The following RASA1 variants were observed in gnomAD, a reference collection of about 807,000 sequenced individuals.
RASA1 encodes the protein ras GTPase-activating protein 1.
In RASA1, 25 loss-of-function variants were observed where a neutral mutation model predicts 132.2. That is an observed-to-expected ratio of 0.19 (90% confidence interval 0.14 to 0.26). RASA1 has a LOEUF of 0.26. Among genes scored for constraint, RASA1 ranks in the 10% least tolerant of loss-of-function variants. The probability of loss-of-function intolerance (pLI) is 1.00; values close to 1 mark genes in which losing one functional copy is unlikely to be tolerated. For synonymous variants in RASA1, 477 were observed against 449.9 expected, an observed-to-expected ratio of 1.06 and a Z score of -0.76; for missense variants, 964 against 1,299.2, an observed-to-expected ratio of 0.74 and a Z score of 3.97.
At chr5:87,355,225 A>G (rs1172310295) in intron 9 of RASA1, among the ~76,000 whole-genome samples, 5 of 152,182 alleles carry the variant, frequency 3.3e-5, no homozygotes, top group African/African-American at 1.2e-4. Flanking sequence ...ATTATCTAGG[A>G]CTTTCATGGC....
At chr5:87,313,614 C>G (rs1387840076) in intron 1 of RASA1, among the ~76,000 whole-genome samples, 7 of 152,248 alleles carry the variant, frequency 4.6e-5, no homozygotes, top group Admixed American at 3.3e-4. Flanking sequence ...ACTTAAATGT[C>G]CCCCAGTATC....
intron 4 of RASA1, 89 bp downstream of exon 4, chr5:87,333,426 T>G: frequency 3.8e-6 from 6 of 1,564,942 alleles, no homozygotes; most frequent in Non-Finnish European, 5.2e-6. Flanking sequence ...CTTTTGAAAT[T>G]TGAAGAAATG....
chr5:87,358,118 A>G (rs1759792605), intron 9 of RASA1, among the ~76,000 whole-genome samples: 1 of 152,122 alleles, frequency 6.6e-6, no homozygotes, highest in South Asian at 2.1e-4. Flanking sequence ...TCATCTTCCA[A>G]TGAGGTGACC....
At chr5:87,324,977 A>G (rs952844252) in intron 1 of RASA1, among the ~76,000 whole-genome samples, 2 of 152,088 alleles carry the variant, frequency 1.3e-5, no homozygotes, top group Non-Finnish European at 2.9e-5. Flanking sequence ...AACCTTTAGC[A>G]GACTGTATTA....
chr5:87,336,915 G>A (rs1351787994), intron 4 of RASA1, among the ~76,000 whole-genome samples: 6 of 152,036 alleles, frequency 3.9e-5, no homozygotes, highest in Non-Finnish European at 7.4e-5. Flanking sequence ...GTTAAATGTT[G>A]TATAATACAA....
intron 11 of RASA1, 56 bp downstream of exon 11, chr5:87,363,560 C>T: frequency 1.9e-6 from 3 of 1,540,070 alleles, no homozygotes; most frequent in South Asian, 1.1e-5. Flanking sequence ...TAAAATAGTA[C>T]AAACAAAGCA....
At chr5:87,321,404 G>A (rs758503176) in intron 1 of RASA1, among the ~76,000 whole-genome samples, 25 of 152,056 alleles carry the variant, frequency 1.6e-4, no homozygotes, top group Non-Finnish European at 2.9e-4. Context: ...GATTCCCAAC[G>A]GCTGAGGGCT....
At chr5:87,330,953 T>G (rs1757557060) in intron 1 of RASA1, 1 of 1,435,676 alleles carries the variant, frequency 7.0e-7, no homozygotes, top group African/African-American at 1.4e-5. Context: ...ATGTGCCTTG[T>G]GAAGTCATGG....
intron 8 of RASA1, among the ~76,000 whole-genome samples, chr5:87,350,359 GTTCT>G (rs1188291268): frequency 1.3e-5 from 2 of 151,742 alleles, no homozygotes; most frequent in African/African-American, 4.8e-5. Flanking sequence ...TGCAATTTGA[GTTCT>G]TTAAGAATGT....
At chr5:87,274,081 C>G (rs540806429) in intron 1 of RASA1, among the ~76,000 whole-genome samples, 10 of 152,140 alleles carry the variant, frequency 6.6e-5, no homozygotes, top group Admixed American at 1.3e-4. Flanking sequence ...GTGGCCATTC[C>G]TGCTTGAGAC....
chr5:87,373,691 G>A (rs1307465802), intron 13 of RASA1, among the ~76,000 whole-genome samples: 4 of 152,110 alleles, frequency 2.6e-5, no homozygotes, highest in African/African-American at 9.7e-5. Flanking sequence ...ATCCTTTCCT[G>A]TAAAATAAGA....
chr5:87,378,327 T>G lies in RASA1; in HGVS notation c.2345-69T>G, dbSNP rs34110590. 45,008 of 1,555,348 alleles carry G rather than the reference T, an allele frequency of 0.029. 822 individuals carry two copies. The highest frequency in any genetic ancestry group is 0.035 in the Non-Finnish European group (39,622 of 1,127,402). On this transcript the variant is annotated intron_variant, in intron 17 of 24. Transcript: ENST00000274376. ...TCCTGTTGAGGTAAAATGAATTCAC[T>G]TAATTTCCAATTTGGTCACATTAGG...
chr5:87,287,909 CATATATATACCATATATACACACACCAT>C (rs1754734892), intron 1 of RASA1, among the ~76,000 whole-genome samples: 1 of 129,878 alleles, frequency 7.7e-6, no homozygotes, highest in Non-Finnish European at 1.6e-5. Context: ...ATACACACAC[CATATATATACCATATATACACACACCAT>C]ATATATATAA....
At chr5:87,275,006 T>A (rs1489879890) in intron 1 of RASA1, among the ~76,000 whole-genome samples, 1 of 152,168 alleles carries the variant, frequency 6.6e-6, no homozygotes, top group East Asian at 1.9e-4. Flanking sequence ...GTATGGATCA[T>A]TGATTAGCCA....
chr5:87,288,735 T>G (rs1441476366), intron 1 of RASA1, among the ~76,000 whole-genome samples: 1 of 152,164 alleles, frequency 6.6e-6, no homozygotes, highest in Non-Finnish European at 1.5e-5. Flanking sequence ...ATGTTCAACT[T>G]TACCCCAAGT....
intron 1 of RASA1, among the ~76,000 whole-genome samples, chr5:87,315,876 A>C (rs1470179571): frequency 1.3e-5 from 2 of 152,202 alleles, no homozygotes; most frequent in East Asian, 3.8e-4. Context: ...TTTAATTTCA[A>C]AAAATGGATA....
intron 1 of RASA1, among the ~76,000 whole-genome samples, chr5:87,304,939 C>CTTTTTTTTTTTTTT (rs756572506): frequency 3.1e-5 from 2 of 64,410 alleles, no homozygotes; most frequent in Non-Finnish European, 3.3e-5. Context: ...TCTTTTAGTC[C>CTTTTTTTTTTTTTT]TTTTTTTTTT....
At chr5:87,351,415 G>A (rs1759266469) in intron 8 of RASA1, among the ~76,000 whole-genome samples, 1 of 151,670 alleles carries the variant, frequency 6.6e-6, no homozygotes, top group African/African-American at 2.4e-5. Context: ...GAGTTCAGTG[G>A]GGGGTGAGAA....
intron 1 of RASA1, among the ~76,000 whole-genome samples, chr5:87,326,445 C>T (rs895935667): frequency 6.6e-6 from 1 of 152,086 alleles, no homozygotes; most frequent in Non-Finnish European, 1.5e-5. Context: ...TCCATATCTA[C>T]CTGTAAGATT....
Sources: allele counts gnomAD v4.1 joint callset (sites outside exome capture counted in the v4.1 genomes callset), GRCh38; gene constraint gnomAD v4.1.1; transcripts MANE v1.5; gene names NCBI Gene and HGNC (gene_info 2026-07-23, HGNC 2026-07-21).